G3BP2: variants seen among roughly 807,000 people sequenced by gnomAD.
The protein encoded by G3BP2 is G3BP stress granule assembly factor 2.
G3BP2 carries 11 observed loss-of-function variants against 56.7 expected under a neutral mutation model. The observed-to-expected ratio is 0.19, with a 90% CI of 0.12 to 0.32. The LOEUF is 0.32. Among genes scored for constraint, G3BP2 ranks in the 10% least tolerant of loss-of-function variants. The probability of loss-of-function intolerance (pLI) is 1.00; values close to 1 mark genes in which losing one functional copy is unlikely to be tolerated. For synonymous variants in G3BP2, 165 were observed against 191.6 expected (o/e 0.86, Z 1.15); for missense variants, 340 against 610.9 (o/e 0.56, Z 4.67).
intron 8 of G3BP2, among the ~76,000 whole-genome samples, chr4:75,651,841 A>G (rs1294122152): frequency 6.6e-6 from 1 of 152,244 alleles, no homozygotes; most frequent in East Asian, 1.9e-4. Context: ...AATTAAACAT[A>G]AGCTTTGTAG....
chr4:75,660,757 T>C (rs938975758), intron 2 of G3BP2, among the ~76,000 whole-genome samples: 2 of 152,206 alleles, frequency 1.3e-5, no homozygotes, highest in Admixed American at 6.5e-5. Context: ...AATATATTTA[T>C]CCTTAACCCA....
intron 8 of G3BP2, chr4:75,649,003 A>T: frequency 3.7e-6 from 1 of 272,478 alleles, no homozygotes; most frequent in Non-Finnish European, 7.0e-6. Flanking sequence ...TTTTTCATTA[A>T]AGTTATATCA....
At chr4:75,720,699 G>A (rs1194243971) in intron 3 of G3BP2, among the ~76,000 whole-genome samples, 2 of 151,222 alleles carry the variant, frequency 1.3e-5, no homozygotes, top group Non-Finnish European at 2.9e-5. Flanking sequence ...GGAAGGCTGA[G>A]GCAGGAGAAT....
intron 3 of G3BP2, among the ~76,000 whole-genome samples, chr4:75,697,875 AGTGAGCCAAGATC>A (rs1719186575): frequency 6.6e-6 from 1 of 152,224 alleles, no homozygotes; most frequent in South Asian, 2.1e-4. Context: ...CAGAGGCTTC[AGTGAGCCAAGATC>A]GTGCCACTGC....
chr4:75,683,528 C>T (rs982254924), intron 3 of G3BP2, among the ~76,000 whole-genome samples: 1 of 151,872 alleles, frequency 6.6e-6, no homozygotes, highest in African/African-American at 2.4e-5. Context: ...TGTGCCATTG[C>T]ACTCCAGCCT....
chr4:75,649,129 G>A (rs186267229), intron 8 of G3BP2: 82 of 161,812 alleles, frequency 5.1e-4, no homozygotes, highest in Non-Finnish European at 7.7e-4. Context: ...TCTTAGACAA[G>A]AATACATAAC....
At chr4:75,715,236 A>G (rs1466705861) in intron 3 of G3BP2, among the ~76,000 whole-genome samples, 4 of 152,206 alleles carry the variant, frequency 2.6e-5, no homozygotes, top group Admixed American at 1.3e-4. Context: ...CCGAATCAAT[A>G]ATTCAAGAAA....
intron 3 of G3BP2, among the ~76,000 whole-genome samples, chr4:75,700,013 G>T (rs1343980576): frequency 6.6e-6 from 1 of 152,032 alleles, no homozygotes; most frequent in Non-Finnish European, 1.5e-5. Flanking sequence ...AATATGCAAA[G>T]AAATCAACAT....
intron 1 of G3BP2, among the ~76,000 whole-genome samples, chr4:75,666,956 C>T (rs370198658): frequency 6.6e-6 from 1 of 152,196 alleles, no homozygotes; most frequent in African/African-American, 2.4e-5. Flanking sequence ...GAGAAGAAAT[C>T]CCCGGTCAAG....
chr4:75,657,193 T>A (rs1398506313), intron 4 of G3BP2, among the ~76,000 whole-genome samples, 179 bp from the exon 5 acceptor site: 1 of 152,144 alleles, frequency 6.6e-6, no homozygotes, highest in African/African-American at 2.4e-5. Context: ...CAAAAAAACA[T>A]AATAGCAAAA....
Position 75,710,968 on chromosome 4 carries a change from C to T in G3BP2, c.-25+9909G>A, listed in dbSNP as rs1419785017. Among the ~76,000 whole-genome samples, 3 of 152,116 alleles carry T rather than the reference C, an allele frequency of 2.0e-5. No homozygotes were observed. In the East Asian group the frequency reaches 5.8e-4, roughly 29 times the overall value. On this transcript the variant is annotated intron_variant, in intron 3 of 3. Coordinates refer to the G3BP2 transcript ENST00000499709. ...CAGGAGACACCGTGCCTGGCCCTGT[C>T]TGGCTTTATTTTATTTTATCCTTTC...
At chr4:75,648,353 A>C (rs112333045) in intron 9 of G3BP2, among the ~76,000 whole-genome samples, 4,708 of 39,440 alleles carry the variant, frequency 0.12, 255 homozygotes, top group African/African-American at 0.34. Flanking sequence ...TCTCAAAAAA[A>C]AAACAAACAA....
intron 3 of G3BP2, among the ~76,000 whole-genome samples, chr4:75,710,041 T>A (rs1455040472): frequency 6.6e-6 from 1 of 152,184 alleles, no homozygotes; most frequent in Admixed American, 6.5e-5. Context: ...TATGACCACA[T>A]ACTAGGTAAT....
chr4:75,664,651 C>G (rs906842914), intron 1 of G3BP2, among the ~76,000 whole-genome samples: 1 of 152,068 alleles, frequency 6.6e-6, no homozygotes, highest in Admixed American at 6.5e-5. Flanking sequence ...AGTTCGAGAC[C>G]AGCCTGACCA....
intron 3 of G3BP2, among the ~76,000 whole-genome samples, chr4:75,683,390 CCT>C (rs1400298975): frequency 2.6e-5 from 4 of 151,898 alleles, no homozygotes; most frequent in Admixed American, 6.6e-5. Context: ...GGTGCGAAAC[CCT>C]GTCTCTACTA....
At chr4:75,675,728 G>A (rs1445303794), upstream of G3BP2, among the ~76,000 whole-genome samples, 1 of 152,190 alleles carries the variant, frequency 6.6e-6, no homozygotes, top group Admixed American at 6.5e-5. Flanking sequence ...GGAGGCGGAG[G>A]TTGCGGTGAG....
chr4:75,691,037 C>T (rs1718833375), intron 3 of G3BP2, among the ~76,000 whole-genome samples: 1 of 151,908 alleles, frequency 6.6e-6, no homozygotes, highest in African/African-American at 2.4e-5. Context: ...GACTCCCAGA[C>T]TGGGTATCAG....
rs766288031 is a variant in G3BP2, at chr4:75,657,671, A to G, written c.237T>C (p.His79=). 6.2e-7 allele frequency: 1 copy of G among 1,612,866 alleles called. No individual in the cohort carries two copies. Among genetic ancestry groups the G allele is most frequent in the South Asian group, 1.1e-5 (1 of 91,032 alleles). The change falls in exon 4 of 12, where the codon CAT becomes CAC. Residue 79 remains histidine, a synonymous_variant. Coordinates refer to ENST00000359707, the MANE Select transcript of G3BP2 (RefSeq NM_203505.3). ...CACTCAAGGTTGCATGAGCATCCAC[A>G]TGACGAATTTTAGTATGACATTCAC... ...NFSECHTKIR[H]VDAHATLSDG...
At chr4:75,700,079 G>C (rs1223318896) in intron 3 of G3BP2, among the ~76,000 whole-genome samples, 4 of 151,892 alleles carry the variant, frequency 2.6e-5, no homozygotes, top group African/African-American at 9.7e-5. Flanking sequence ...TTTTGAGGCA[G>C]AGTCTCGCTC....
Sources: gnomAD v4.1 joint callset for allele counts (sites outside exome capture counted in the v4.1 genomes callset) on GRCh38, gnomAD v4.1.1 for gene constraint, MANE v1.5 for transcripts, NCBI Gene and HGNC (gene_info 2026-07-23, HGNC 2026-07-21) for gene names.